Variants in EIF4ENIF1 observed in about 807,000 individuals in gnomAD.
EIF4ENIF1 encodes eukaryotic translation initiation factor 4E transporter.
EIF4ENIF1 carries 23 observed loss-of-function variants against 110.5 expected under a neutral mutation model. The observed-to-expected ratio is 0.21, with a 90% CI of 0.15 to 0.29. The LOEUF (loss-of-function observed/expected upper bound fraction) is 0.29, where lower values mean the gene tolerates loss of function less well. Among genes scored for constraint, EIF4ENIF1 ranks in the 10% least tolerant of loss-of-function variants. The pLI, the probability that EIF4ENIF1 is intolerant of heterozygous loss-of-function variation, is 1.00. For synonymous variants in EIF4ENIF1, 440 were observed against 437.0 expected (o/e 1.01, Z -0.09); for missense variants, 1,031 against 1,221.1 (o/e 0.84, Z 2.32).
At chr22:31,438,524 A>G (rs745584275), downstream of EIF4ENIF1, among the ~76,000 whole-genome samples, 40 of 152,246 alleles carry the variant, frequency 2.6e-4, no homozygotes, top group Non-Finnish European at 4.7e-4. Flanking sequence ...AGAAACTACC[A>G]TATGTAATAG....
Position 31,455,332 on chromosome 22 carries a change from A to G in EIF4ENIF1, c.1100-17T>C, listed in dbSNP as rs1264741050. The G allele has an allele frequency of 2.0e-6, 3 of 1,515,728 alleles. No individual in the cohort carries two copies. The highest frequency in any genetic ancestry group is 2.8e-5 in the South Asian group (2 of 72,274). 93.9% of individuals were successfully genotyped at this position (1,515,728 alleles called of 1,614,324 possible). A position where few individuals can be genotyped will look rare whatever the true frequency, so the allele number is the denominator to read the frequency against. ...GCTCCAGACCTGATATTGCAAATAAACATACTCAAAATTAATCTGTTCCAG... is the reference window on the plus strand; with the variant it reads ...GCTCCAGACCTGATATTGCAAATAAGCATACTCAAAATTAATCTGTTCCAG... On this transcript the variant is annotated splice_polypyrimidine_tract_variant and intron_variant, in intron 8 of 18. Transcript: ENST00000330125.
chr22:31,466,430 A>G (rs1308526114), intron 4 of EIF4ENIF1, among the ~76,000 whole-genome samples: 1 of 137,914 alleles, frequency 7.3e-6, no homozygotes, highest in Non-Finnish European at 1.6e-5. Context: ...GGAAAAAAAA[A>G]TTAGCTGGGC....
At chr22:31,481,352 G>A (rs1416406580) in intron 2 of EIF4ENIF1, among the ~76,000 whole-genome samples, 1 of 151,576 alleles carries the variant, frequency 6.6e-6, no homozygotes, top group African/African-American at 2.4e-5. Flanking sequence ...TAACGAGATG[G>A]GGTCTCACTA....
At chr22:31,442,834 C>G (rs1441314019) in intron 16 of EIF4ENIF1, 128 bp downstream of exon 16, 1 of 1,249,572 alleles carries the variant, frequency 8.0e-7, no homozygotes, top group South Asian at 1.5e-5. Flanking sequence ...TGACACAGAA[C>G]CATAGTCCAG....
intron 2 of EIF4ENIF1, 67 bp downstream of exon 2, chr22:31,488,554 AAT>A (rs2146123902): frequency 6.3e-7 from 1 of 1,594,578 alleles, no homozygotes; most frequent in East Asian, 2.2e-5. Flanking sequence ...ATAGGAATGA[AAT>A]AGTTATACAA....
At chr22:31,490,061 T>A (rs13055552), upstream of EIF4ENIF1, 1 of 152,170 alleles carries the variant, frequency 6.6e-6, no homozygotes, top group East Asian at 1.9e-4. Context: ...GAGGCCACGG[T>A]GGGGATAGCG....
chr22:31,438,548 A>G (rs2050207065), downstream of EIF4ENIF1, among the ~76,000 whole-genome samples: 1 of 152,130 alleles, frequency 6.6e-6, no homozygotes, highest in Non-Finnish European at 1.5e-5. Flanking sequence ...ATTCCTCAAT[A>G]AACTGTTTTC....
chr22:31,464,675 CAAAAAAAAAAAA>C (rs770904708), intron 4 of EIF4ENIF1, among the ~76,000 whole-genome samples: 11,575 of 31,006 alleles, frequency 0.37, 2,716 homozygotes, highest in Non-Finnish European at 0.44. Flanking sequence ...GATTCAGTCT[CAAAAAAAAAAAA>C]AAAAAAAAAA....
chr22:31,488,641 G>A lies in EIF4ENIF1; in HGVS notation c.78C>T (p.Cys26=), dbSNP rs748309550. The A allele has an allele frequency of 1.9e-6, 3 of 1,613,690 alleles. No individual in the cohort carries two copies. The African/African-American group carries it at 4.0e-5, about 22-fold the overall frequency. Residue 26 remains cysteine (C), a synonymous_variant, in exon 2 of 19, where the codon TGC becomes TGT. Transcript: ENST00000330125. The part of the protein sequence containing the change: ...LDLKKPPASK[C]PHRYTKEELL... ...ACCTTACTTTTGTATAGCGATGGGG[G>A]CATTTGGAGGCAGGAGGCTTCTTCA...
rs774467948 is a variant in EIF4ENIF1, at chr22:31,458,626, A to G, written c.812T>C (p.Val271Ala). Residue 271 changes from valine (V) to alanine (A), a missense_variant, in exon 7 of 19, where the codon GTG becomes GCG. This residue lies in a region of EIF4ENIF1 where 704 missense variants were observed against 879.7 expected (regional missense o/e 0.80). Transcript: ENST00000330125. ...GACCTCCACTTCATCCTCTTCGGCC[A>G]CTCCTCCATTGCACTCTACTATACC... ...KEGIVECNGG[V>A]AEEDEVEVIL... The G allele has an allele frequency of 1.9e-6, 3 of 1,606,902 alleles. No homozygotes were observed. The highest frequency in any genetic ancestry group is 2.5e-6 in the Non-Finnish European group (3 of 1,176,656).
At chr22:31,446,316 AAGTCAC>A (rs2050475571) in intron 14 of EIF4ENIF1, among the ~76,000 whole-genome samples, 2 of 150,412 alleles carry the variant, frequency 1.3e-5, no homozygotes, top group Non-Finnish European at 3.0e-5. Flanking sequence ...AGTACTGTGA[AAGTCAC>A]AAATCACATC....
intron 2 of EIF4ENIF1, among the ~76,000 whole-genome samples, chr22:31,487,658 T>C (rs1255158913): frequency 6.6e-6 from 1 of 151,788 alleles, no homozygotes; most frequent in Non-Finnish European, 1.5e-5. Context: ...AGCGTACTGG[T>C]GCACGCCTGT....
At chr22:31,462,409 A>G (rs1267795571) in intron 6 of EIF4ENIF1, among the ~76,000 whole-genome samples, 1 of 151,668 alleles carries the variant, frequency 6.6e-6, no homozygotes, top group East Asian at 2.0e-4. Flanking sequence ...CGCTTGAACC[A>G]AGGAAATGGA....
At chr22:31,456,274 A>T (rs1002859950) in intron 7 of EIF4ENIF1, among the ~76,000 whole-genome samples, 3 of 142,294 alleles carry the variant, frequency 2.1e-5, no homozygotes, top group Non-Finnish European at 4.5e-5. Flanking sequence ...CCCAGGCTGG[A>T]GTGCAGTGGC....
chr22:31,440,775 T>C lies in EIF4ENIF1; in HGVS notation c.2645A>G (p.His882Arg). 2 of 1,613,898 alleles carry C rather than the reference T, an allele frequency of 1.2e-6. No homozygotes were observed. The highest frequency in any genetic ancestry group is 1.7e-6 in the Non-Finnish European group (2 of 1,179,874). The change falls in exon 18 of 19, where the codon CAC becomes CGC. Residue 882 changes from histidine to arginine, a missense_variant. By Grantham distance (29) the His-to-Arg change is conservative (BLOSUM62 0). Coordinates refer to ENST00000330125, the MANE Select transcript of EIF4ENIF1 (RefSeq NM_019843.4). Reference sequence around the variant, plus strand: ...TCCAGGACGAGGGTTTAAGAGAGGGTGACTAGCAGCAGGTAAAGGGTAAAA... The same window carrying C: ...TCCAGGACGAGGGTTTAAGAGAGGGCGACTAGCAGCAGGTAAAGGGTAAAA... ...QPFYPLPAAS[H>R]PLLNPRPGTP...
At chr22:31,454,956 G>A (rs1422835565) in intron 9 of EIF4ENIF1, among the ~76,000 whole-genome samples, 180 bp downstream of exon 9, 1 of 152,146 alleles carries the variant, frequency 6.6e-6, no homozygotes, top group Non-Finnish European at 1.5e-5. Context: ...ATGACCCACT[G>A]TGAGATTCTC....
In EIF4ENIF1 at chr22:31,441,881, G is replaced by T. The variant is rs1477782985; in HGVS notation, c.2444C>A (p.Pro815His). 18 of 1,614,168 alleles carry T rather than the reference G, an allele frequency of 1.1e-5. No individual in the cohort carries two copies. Among genetic ancestry groups the T allele is most frequent in the Non-Finnish European group, 1.5e-5 (18 of 1,180,014 alleles). The change falls in exon 17 of 19, where the codon CCC becomes CAC. Residue 815 changes from proline (P) to histidine (H), a missense_variant. Transcript: ENST00000330125. ...AGCAGGCCTAACCATAGGGACATGG[G>T]GGACAAGGGGAACTTGGTGGACAGG... is the stretch of plus-strand genomic sequence containing the variant. ...LRPVHQVPLV[P>H]HVPMVRPAHQ... is the part of the protein sequence containing the mutation.
intron 15 of EIF4ENIF1, among the ~76,000 whole-genome samples, chr22:31,443,614 A>C (rs1383610185): frequency 1.3e-5 from 2 of 152,124 alleles, no homozygotes; most frequent in African/African-American, 4.8e-5. Context: ...CTCACCAAAC[A>C]ACCCCACATC....
Position 31,458,641 on chromosome 22 carries a change from T to C in EIF4ENIF1, c.797A>G (p.Glu266Gly). The C allele has an allele frequency of 6.3e-7, 1 of 1,596,576 alleles. No homozygotes were observed. Among genetic ancestry groups the C allele is most frequent in the Non-Finnish European group, 8.5e-7 (1 of 1,170,484 alleles). The change falls in exon 7 of 19, where the codon GAG becomes GGG. Residue 266 changes from glutamate (E) to glycine (G), a missense_variant. By Grantham distance (98) the Glu-to-Gly change is moderately conservative. Around this residue, in one of 3 missense-constraint regions of EIF4ENIF1, gnomAD observed 704 missense variants for 879.7 expected, o/e 0.80. Coordinates refer to ENST00000330125, the MANE Select transcript of EIF4ENIF1 (RefSeq NM_019843.4). The part of the protein sequence containing the change: ...RTASVKEGIV[E>G]CNGGVAEEDE... Reference sequence around the variant, plus strand: ...CTCTTCGGCCACTCCTCCATTGCACTCTACTATACCTGAAAGCAAAACCAG... The same window carrying C: ...CTCTTCGGCCACTCCTCCATTGCACCCTACTATACCTGAAAGCAAAACCAG...
Sources: gnomAD v4.1 joint callset for allele counts (sites outside exome capture counted in the v4.1 genomes callset) on GRCh38, gnomAD v4.1.1 for gene constraint, gnomAD v4.1.1 regional missense constraint, MANE v1.5 for transcripts, NCBI Gene and HGNC (gene_info 2026-07-23, HGNC 2026-07-21) for gene names.